Variants in CWF19L2 observed in about 807,000 individuals in gnomAD.
CWF19L2 encodes CWF19 like cell cycle control factor 2.
Under a neutral mutation model 111.7 loss-of-function variants are expected in CWF19L2, and 98 were observed. That is an observed-to-expected ratio of 0.88 (90% CI 0.75 to 1.04). CWF19L2 has a LOEUF of 1.04. Ranked by LOEUF, CWF19L2 falls within the 50% of genes least tolerant of loss-of-function variation. The probability of loss-of-function intolerance (pLI) is 0.00; values close to 1 mark genes in which losing one functional copy is unlikely to be tolerated. For missense variants in CWF19L2, 1,101 were observed against 1,051.4 expected, an observed-to-expected ratio of 1.05 and a Z score of -0.65; for synonymous variants, 351 against 342.9, an observed-to-expected ratio of 1.02 and a Z score of -0.26.
intron 11 of CWF19L2, among the ~76,000 whole-genome samples, chr11:107,390,756 T>C (rs2134594702): frequency 6.6e-6 from 1 of 152,304 alleles, no homozygotes; most frequent in Middle Eastern, 3.4e-3. Context: ...GAACCTGTGA[T>C]GGTTAATACT....
intron 6 of CWF19L2, among the ~76,000 whole-genome samples, chr11:107,437,553 A>G (rs1272501773): frequency 6.6e-6 from 1 of 152,238 alleles, no homozygotes; most frequent in Non-Finnish European, 1.5e-5. Flanking sequence ...TCTTAGCCTC[A>G]GAAAGACAGA....
chr11:107,381,585 T>C (rs952523403), intron 12 of CWF19L2, among the ~76,000 whole-genome samples: 1 of 152,204 alleles, frequency 6.6e-6, no homozygotes, highest in Non-Finnish European at 1.5e-5. Context: ...AATTTCACTG[T>C]GTATCTATTA....
chr11:107,443,141 T>A, intron 3 of CWF19L2, 92 bp from the exon 4 acceptor site: 1 of 849,568 alleles, frequency 1.2e-6, no homozygotes, highest in Non-Finnish European at 1.9e-6. Context: ...TTCAACATCG[T>A]AGAAAAAAAT....
At chr11:107,344,720 T>C (rs955643965) in intron 14 of CWF19L2, among the ~76,000 whole-genome samples, 1 of 152,212 alleles carries the variant, frequency 6.6e-6, no homozygotes. Flanking sequence ...TTGGTGTCTA[T>C]TGATTACCTT....
At chr11:107,385,413 CA>C (rs1195646048) in intron 12 of CWF19L2, among the ~76,000 whole-genome samples, 1 of 151,576 alleles carries the variant, frequency 6.6e-6, no homozygotes, top group African/African-American at 2.4e-5. Flanking sequence ...ATAAATTGAT[CA>C]AAATTTTTTT....
intron 12 of CWF19L2, among the ~76,000 whole-genome samples, chr11:107,358,290 A>C (rs537662188): frequency 1.3e-5 from 2 of 151,844 alleles, no homozygotes; most frequent in African/African-American, 4.9e-5. Flanking sequence ...TTGGAAGAAG[A>C]ACCATCTTGG....
intron 10 of CWF19L2, among the ~76,000 whole-genome samples, chr11:107,397,722 T>C (rs931834825): frequency 1.3e-5 from 2 of 152,094 alleles, no homozygotes; most frequent in African/African-American, 4.8e-5. Flanking sequence ...AGCACAAAAA[T>C]GGAGAATTAA....
At position 107,456,199 on chromosome 11, in the gene CWF19L2, G is replaced by A. The variant is rs866750197; in HGVS notation, c.106-423C>T. ...AGCCCCAATACCCAGCCCCAAAAAT[G>A]CCTCAGGAAGAATCATCTCTGTATA... is the stretch of plus-strand genomic sequence containing the variant. On this transcript the variant is annotated intron_variant, in intron 1 of 17. Transcript: ENST00000282251. Among the ~76,000 whole-genome samples the A allele has an allele frequency of 1.3e-4, 20 of 152,180 alleles. No individual in the cohort carries two copies. The Middle Eastern group carries it at 0.01, about 78-fold the overall frequency.
At chr11:107,339,205 G>T (rs1859970558) in intron 14 of CWF19L2, among the ~76,000 whole-genome samples, 1 of 152,110 alleles carries the variant, frequency 6.6e-6, no homozygotes, top group Admixed American at 6.5e-5. Context: ...TCCTGATATG[G>T]ATGTGCCCAG....
At chr11:107,361,403 T>C (rs1860333072) in intron 12 of CWF19L2, among the ~76,000 whole-genome samples, 1 of 152,184 alleles carries the variant, frequency 6.6e-6, no homozygotes, top group Non-Finnish European at 1.5e-5. Flanking sequence ...GCCTGCAGCT[T>C]TGCAGCTTTG....
chr11:107,448,509 G>C (rs1306081755), intron 3 of CWF19L2, among the ~76,000 whole-genome samples: 1 of 151,378 alleles, frequency 6.6e-6, no homozygotes, highest in Non-Finnish European at 1.5e-5. Context: ...AAAATGAGAG[G>C]GAACAGAAAA....
At chr11:107,447,790 C>G (rs1242738414) in intron 3 of CWF19L2, among the ~76,000 whole-genome samples, 1 of 151,950 alleles carries the variant, frequency 6.6e-6, no homozygotes, top group Non-Finnish European at 1.5e-5. Flanking sequence ...AAGAAGCAAG[C>G]AAATGTGACC....
At chr11:107,434,672 C>CAAA (rs71044301) in intron 6 of CWF19L2, among the ~76,000 whole-genome samples, 23 of 115,798 alleles carry the variant, frequency 2.0e-4, no homozygotes, top group African/African-American at 6.4e-4. Flanking sequence ...TATTACACAG[C>CAAA]AAAAAAAAAA....
intron 2 of CWF19L2, 29 bp from the exon 3 acceptor site, chr11:107,454,601 T>C (rs1861827926): frequency 1.6e-6 from 2 of 1,270,440 alleles, no homozygotes; most frequent in East Asian, 6.1e-5. Flanking sequence ...GGCAAGAAAA[T>C]AATTTAATTT....
intron 3 of CWF19L2, among the ~76,000 whole-genome samples, chr11:107,446,915 A>G (rs774573666): frequency 6.6e-6 from 1 of 152,162 alleles, no homozygotes; most frequent in Non-Finnish European, 1.5e-5. Flanking sequence ...CTCATTAACT[A>G]TCAAGCTTAA....
intron 4 of CWF19L2, among the ~76,000 whole-genome samples, chr11:107,441,985 C>T (rs1471118489): frequency 6.6e-6 from 1 of 152,108 alleles, no homozygotes; most frequent in Admixed American, 6.5e-5. Context: ...CTTCCTGAGG[C>T]AGATGAACTA....
Position 107,428,992 on chromosome 11 carries a change from C to A in CWF19L2, c.1240G>T (p.Glu414Ter). The A allele has an allele frequency of 6.2e-7, 1 of 1,613,716 alleles. No individual in the cohort carries two copies. The highest frequency in any genetic ancestry group is 1.1e-5 in the South Asian group (1 of 91,064). The change falls in exon 8 of 18, where the codon GAA (glutamate) becomes TAA (stop). Residue 414 changes from glutamate (E) to a stop codon, truncating the protein, a stop_gained. Transcript: ENST00000282251. LOFTEE classifies it high-confidence loss of function. ...GAGCGACTCCATGATGTTAATCTTT[C>A]TTCACTGTTCTTGGTGGGTTTTCTA... ...GFRKPTKNSE[E>*]RLTSWSRSDG... is the part of the protein sequence containing the mutation.
chr11:107,362,234 C>T (rs535019120), intron 12 of CWF19L2, among the ~76,000 whole-genome samples: 40 of 151,994 alleles, frequency 2.6e-4, no homozygotes, highest in South Asian at 8.3e-4. Context: ...AAGGCGGCAG[C>T]GAGGCAGGGG....
At position 107,367,690 on chromosome 11, in the gene CWF19L2, G is replaced by A. The variant is rs1379522546; in HGVS notation, c.1873-13954C>T. On this transcript the variant is annotated intron_variant, in intron 12 of 17. Transcript: ENST00000282251. Reference sequence around the variant, plus strand: ...TGGGGACTGTTGTGGGGTGGGGGGAGGGGGGAGGGATAGCATTGGGAGATA... The same window carrying A: ...TGGGGACTGTTGTGGGGTGGGGGGAAGGGGGAGGGATAGCATTGGGAGATA... 5.4e-5 allele frequency among the ~76,000 whole-genome samples: 4 copies of A among 73,396 alleles called. 1 individual carries two copies. The highest frequency in any genetic ancestry group is 5.0e-4 in the East Asian group (1 of 2,000). The allele number at this position is 73,396 out of a possible 152,430, so 48.2% of individuals were successfully genotyped here. A position where few individuals can be genotyped will look rare whatever the true frequency, so the allele number is the denominator to read the frequency against.
Sources: allele counts gnomAD v4.1 joint callset (sites outside exome capture counted in the v4.1 genomes callset), GRCh38; gene constraint gnomAD v4.1.1; transcripts MANE v1.5; gene names NCBI Gene and HGNC (gene_info 2026-07-23, HGNC 2026-07-21).